The following SLCO5A1 variants were observed in gnomAD, a reference collection of about 807,000 sequenced individuals.
SLCO5A1 encodes organic anion transporter polypeptide-related protein 4.
In SLCO5A1, 39 loss-of-function variants were observed where a neutral mutation model predicts 65.1. The ratio of observed to expected loss-of-function variants is 0.60; its 90% CI spans 0.46 to 0.78. The LOEUF is 0.78. Ranked by LOEUF, SLCO5A1 falls within the 30% of genes least tolerant of loss-of-function variation. The probability of loss-of-function intolerance (pLI) is 0.00; values close to 1 mark genes in which losing one functional copy is unlikely to be tolerated. For missense variants in SLCO5A1, 1,029 were observed against 1,069.4 expected (o/e 0.96, Z 0.53); for synonymous variants, 438 against 415.7 (o/e 1.05, Z -0.65).
At chr8:69,770,232 A>G (rs1196580918) in intron 2 of SLCO5A1, among the ~76,000 whole-genome samples, 1 of 152,168 alleles carries the variant, frequency 6.6e-6, no homozygotes, top group East Asian at 1.9e-4. Context: ...TGTTACAAAT[A>G]TCTAGCTGAG....
At chr8:69,779,150 A>T (rs1260398828) in intron 2 of SLCO5A1, among the ~76,000 whole-genome samples, 1 of 152,182 alleles carries the variant, frequency 6.6e-6, no homozygotes, top group African/African-American at 2.4e-5. Context: ...CCCTTATAAT[A>T]AACCGTGGCA....
chr8:69,792,938 C>T (rs1188172784), intron 2 of SLCO5A1, among the ~76,000 whole-genome samples: 6 of 150,698 alleles, frequency 4.0e-5, no homozygotes, highest in Admixed American at 1.3e-4. Flanking sequence ...GGTTTTTTTT[C>T]GTTTGTTTGT....
rs767273254 is a variant in SLCO5A1 at position 69,672,984 on chromosome 8, T to C, written c.2432A>G (p.Gln811Arg). 6.2e-6 allele frequency: 10 copies of C among 1,614,126 alleles called. No homozygotes were observed. The Admixed American group carries it at 1.2e-4, about 19-fold the overall frequency. The change falls in exon 10 of 10, where the codon CAA (glutamine) becomes CGA (arginine). Residue 811 changes from glutamine to arginine, a missense_variant. Gln to Arg is a conservative substitution (Grantham distance 43). Coordinates refer to ENST00000260126, the MANE Select transcript of SLCO5A1 (RefSeq NM_030958.3). ...QGEFHEETGL[Q>R]KGIQCAAQTY... is the part of the protein sequence containing the mutation. ...CTGTGCTGCGCACTGGATCCCTTTT[T>C]GCAGGCCAGTCTCTTCGTGGAATTC...
At chr8:69,770,075 C>T (rs943533521) in intron 2 of SLCO5A1, among the ~76,000 whole-genome samples, 8 of 151,968 alleles carry the variant, frequency 5.3e-5, no homozygotes, top group East Asian at 3.9e-4. Context: ...ATTATTGTTC[C>T]GTAATTATGT....
At position 69,832,276 on chromosome 8, in the gene SLCO5A1, C is replaced by A; in HGVS notation, c.398G>T (p.Cys133Phe). ...VLTDSRCFLV[C>F]MCFLTFIQAL... ...CTGGATGAAGGTCAGAAAGCACATG[C>A]ACACCAGGAAGCAACGGGAATCCGT... is the stretch of plus-strand genomic sequence containing the variant. The change falls in exon 2 of 10, where the codon TGC (cysteine) becomes TTC (phenylalanine). Residue 133 changes from cysteine to phenylalanine, a missense_variant. Physicochemically the swap from Cys to Phe is radical, Grantham distance 205. This residue lies in a region of SLCO5A1 where 647 missense variants were observed against 647.5 expected (regional missense o/e 1.00). Transcript: ENST00000260126. This position sits in a 1 kb window ranked among gnomAD's most constrained non-coding sequence, Gnocchi z 4.5. 6.2e-7 allele frequency: 1 copy of A among 1,614,208 alleles called. No individual in the cohort carries two copies. The highest frequency in any genetic ancestry group is 1.1e-5 in the South Asian group (1 of 91,084).
chr8:69,769,241 C>A (rs1340121933), intron 2 of SLCO5A1, among the ~76,000 whole-genome samples: 1 of 152,218 alleles, frequency 6.6e-6, no homozygotes, highest in East Asian at 1.9e-4. Flanking sequence ...GTATTATCTG[C>A]ACTGCCCACT....
chr8:69,672,888 G>C lies in SLCO5A1; in HGVS notation c.2528C>G (p.Ala843Gly). 6.2e-7 allele frequency: 1 copy of C among 1,610,910 alleles called. No homozygotes were observed. The highest frequency in any genetic ancestry group is 8.5e-7 in the Non-Finnish European group (1 of 1,177,422). ...CAAGCTTCAGGAGGGCGGCTCCAAG[G>C]CAGCGGGGCTCTCTTCCAGCCCCGG... is the stretch of plus-strand genomic sequence containing the variant. ...ADPGLEESPA[A>G]LEPPS Residue 843 changes from alanine (A) to glycine (G), a missense_variant, in exon 10 of 10, where the codon GCC (alanine) becomes GGC (glycine). Ala to Gly is a moderately conservative substitution (Grantham distance 60). Around this residue, in one of 3 missense-constraint regions of SLCO5A1, gnomAD observed 258 missense variants for 237.4 expected, o/e 1.09. Coordinates refer to ENST00000260126, the MANE Select transcript of SLCO5A1 (RefSeq NM_030958.3).
At chr8:69,809,194 AT>A (rs995849077) in intron 2 of SLCO5A1, among the ~76,000 whole-genome samples, 1 of 152,212 alleles carries the variant, frequency 6.6e-6, no homozygotes, top group African/African-American at 2.4e-5. Context: ...AAAAGTATGT[AT>A]TTTAAGTTTT....
chr8:69,728,259 A>C (rs988425049), intron 5 of SLCO5A1, among the ~76,000 whole-genome samples: 1 of 152,194 alleles, frequency 6.6e-6, no homozygotes, highest in Non-Finnish European at 1.5e-5. Flanking sequence ...ATTTAAAAAG[A>C]AATAAAAAAG....
At chr8:69,757,382 C>T (rs940305804) in intron 3 of SLCO5A1, among the ~76,000 whole-genome samples, 1 of 152,046 alleles carries the variant, frequency 6.6e-6, no homozygotes, top group Non-Finnish European at 1.5e-5. Flanking sequence ...CAGCTGGTTA[C>T]GGTGGCTCAT....
Position 69,759,354 on chromosome 8 carries a change from T to A in SLCO5A1, c.1040+2389A>T, listed in dbSNP as rs543911771. ...TCTTTATCATGTATAGAACTAACATTGAGCCATTAAAAATGGATAAAATTA... is the reference window on the plus strand; with the variant it reads ...TCTTTATCATGTATAGAACTAACATAGAGCCATTAAAAATGGATAAAATTA... On this transcript the variant is annotated intron_variant, in intron 3 of 9. Transcript: ENST00000260126. Among the ~76,000 whole-genome samples the A allele has an allele frequency of 9.2e-5, 14 of 152,322 alleles. No individual in the cohort carries two copies. In the South Asian group the frequency reaches 2.9e-3, roughly 32 times the overall value.
intron 7 of SLCO5A1, 73 bp downstream of exon 7, chr8:69,682,111 G>T: frequency 1.4e-6 from 2 of 1,473,970 alleles, no homozygotes; most frequent in Non-Finnish European, 1.8e-6. Context: ...CATTGTAGCT[G>T]CATAGGAATT....
chr8:69,787,909 A>G (rs1819107679), intron 2 of SLCO5A1, among the ~76,000 whole-genome samples: 1 of 152,130 alleles, frequency 6.6e-6, no homozygotes, highest in Admixed American at 6.5e-5. Context: ...TGACTTAAAA[A>G]CACTCTTTTT....
At chr8:69,733,805 A>T (rs1816438198) in intron 5 of SLCO5A1, among the ~76,000 whole-genome samples, 2 of 152,214 alleles carry the variant, frequency 1.3e-5, no homozygotes. Context: ...GCCATGCAGA[A>T]CTGTAAGTCA....
At chr8:69,752,204 C>G (rs925679585) in intron 4 of SLCO5A1, among the ~76,000 whole-genome samples, 1 of 152,068 alleles carries the variant, frequency 6.6e-6, no homozygotes, top group Non-Finnish European at 1.5e-5. Flanking sequence ...GCACTCCAGC[C>G]TGGGTGACAG....
At chr8:69,749,398 A>T (rs1307136480) in intron 4 of SLCO5A1, among the ~76,000 whole-genome samples, 3 of 152,146 alleles carry the variant, frequency 2.0e-5, no homozygotes, top group Non-Finnish European at 4.4e-5. Flanking sequence ...GCAATGGATC[A>T]TCTGAGGTCA....
chr8:69,745,570 CCAAA>C (rs1311264638), intron 4 of SLCO5A1, among the ~76,000 whole-genome samples: 1 of 152,094 alleles, frequency 6.6e-6, no homozygotes, highest in Non-Finnish European at 1.5e-5. Flanking sequence ...GTATTAAATA[CCAAA>C]CAAACATACT....
chr8:69,753,108 T>C (rs1211690881), intron 4 of SLCO5A1, among the ~76,000 whole-genome samples: 1 of 152,200 alleles, frequency 6.6e-6, no homozygotes, highest in Non-Finnish European at 1.5e-5. Flanking sequence ...TATCTAAGTA[T>C]GGGTTCCCCA....
intron 5 of SLCO5A1, among the ~76,000 whole-genome samples, chr8:69,735,006 C>T (rs903840051): frequency 1.3e-5 from 2 of 152,078 alleles, no homozygotes; most frequent in African/African-American, 4.8e-5. Context: ...GAAAAGTGGG[C>T]AAAGGACATG....
Sources: allele counts gnomAD v4.1 joint callset (sites outside exome capture counted in the v4.1 genomes callset), GRCh38; gene constraint gnomAD v4.1.1; regional missense constraint gnomAD v4.1.1; non-coding constraint Gnocchi (gnomAD v3.1); transcripts MANE v1.5; gene names NCBI Gene and HGNC (gene_info 2026-07-23, HGNC 2026-07-21).